Variants in WASF1 observed in about 807,000 individuals in gnomAD.
The protein encoded by WASF1 is WASP family member 1.
WASF1 carries 7 observed loss-of-function variants against 50.5 expected under a neutral mutation model. The ratio of observed to expected loss-of-function variants is 0.14; its 90% CI spans 0.08 to 0.26. The LOEUF (loss-of-function observed/expected upper bound fraction) is 0.26. Among genes scored for constraint, WASF1 ranks in the 10% least tolerant of loss-of-function variants. The probability of loss-of-function intolerance (pLI) is 1.00; values close to 1 mark genes in which losing one functional copy is unlikely to be tolerated. For synonymous variants in WASF1, 205 were observed against 244.0 expected (o/e 0.84, Z 1.49); for missense variants, 470 against 694.7 (o/e 0.68, Z 3.64).
chr6:110,135,721 CTTTTTT>C (rs139834112), intron 3 of WASF1, among the ~76,000 whole-genome samples: 24 of 73,534 alleles, frequency 3.3e-4, no homozygotes, highest in African/African-American at 9.9e-4. Flanking sequence ...GGAAGATTAT[CTTTTTT>C]TTTTTTTTTT....
At chr6:110,154,074 T>G (rs911750896) in intron 3 of WASF1, among the ~76,000 whole-genome samples, 1 of 152,084 alleles carries the variant, frequency 6.6e-6, no homozygotes, top group Non-Finnish European at 1.5e-5. Context: ...GAACTCTCCT[T>G]TTCTATATCT....
intron 2 of WASF1, among the ~76,000 whole-genome samples, chr6:110,165,800 G>T (rs892582301): frequency 6.6e-6 from 1 of 151,514 alleles, no homozygotes; most frequent in African/African-American, 2.4e-5. Flanking sequence ...GCATATTTTG[G>T]TATCACCCCT....
In WASF1 at chr6:110,101,740, G is replaced by C. The variant is rs777727637; in HGVS notation, c.1370C>G (p.Pro457Arg). Residue 457 changes from proline (P) to arginine (R), a missense_variant, in exon 10 of 11, where the codon CCA (proline) becomes CGA (arginine). By Grantham distance (103) the Pro-to-Arg change is moderately radical. This residue lies in a region of WASF1 where 294 missense variants were observed against 343.5 expected (regional missense o/e 0.86). Coordinates refer to ENST00000392589, the MANE Select transcript of WASF1 (RefSeq NM_003931.3). ...GGGACCTGGGGCAGTAGATGGAGTTGGATGTAGCCCAGAGGGAGGATGAGC... is the reference window on the plus strand; with the variant it reads ...GGGACCTGGGGCAGTAGATGGAGTTCGATGTAGCCCAGAGGGAGGATGAGC... ...ALAHPPSGLHPTPSTAPGPHV... is the reference protein window; with the variant it reads ...ALAHPPSGLHRTPSTAPGPHV... The C allele has an allele frequency of 3.1e-6, 5 of 1,614,156 alleles. No homozygotes were observed. The highest frequency in any genetic ancestry group is 4.2e-6 in the Non-Finnish European group (5 of 1,180,024).
Position 110,138,065 on chromosome 6 carries a change from C to G in WASF1, c.-28-10436G>C, listed in dbSNP as rs116662698. Among the ~76,000 whole-genome samples, 335 of 152,344 alleles carry G rather than the reference C, an allele frequency of 2.2e-3. 1 individual carries two copies. The highest frequency in any genetic ancestry group is 7.8e-3 in the African/African-American group (325 of 41,590). On this transcript the variant is annotated intron_variant, in intron 3 of 10. Transcript: ENST00000392589. ...ACTACCAGCCTGGATCCCACACCTGCCAAGGGTGAGCCAGGCACGGAGTGG... is the reference window on the plus strand; with the variant it reads ...ACTACCAGCCTGGATCCCACACCTGGCAAGGGTGAGCCAGGCACGGAGTGG...
At chr6:110,166,891 G>A (rs921290211) in intron 2 of WASF1, among the ~76,000 whole-genome samples, 5 of 151,772 alleles carry the variant, frequency 3.3e-5, no homozygotes, top group Admixed American at 3.3e-4. Flanking sequence ...TTATTTTTTT[G>A]TGTGAAAAAA....
intron 2 of WASF1, among the ~76,000 whole-genome samples, chr6:110,163,129 G>A (rs918956853): frequency 6.6e-6 from 1 of 151,512 alleles, no homozygotes; most frequent in African/African-American, 2.4e-5. Flanking sequence ...AATAACATAT[G>A]TTGCAGCCCC....
At chr6:110,129,831 CAATAG>C (rs1360962048) in intron 3 of WASF1, among the ~76,000 whole-genome samples, 3 of 152,144 alleles carry the variant, frequency 2.0e-5, no homozygotes, top group Admixed American at 1.3e-4. Context: ...TTTTAACCTA[CAATAG>C]AAGAGGTTTT....
intron 9 of WASF1, among the ~76,000 whole-genome samples, chr6:110,102,752 C>T (rs1388736296): frequency 6.8e-6 from 1 of 147,552 alleles, no homozygotes; most frequent in Non-Finnish European, 1.5e-5. Flanking sequence ...GGATTTTTAA[C>T]TGAAAATTGT....
At position 110,127,479 on chromosome 6, in the gene WASF1, T is replaced by C. The variant is rs1583962070; in HGVS notation, c.123A>G (p.Leu41=). 6.2e-7 allele frequency: 1 copy of C among 1,601,054 alleles called. No individual in the cohort carries two copies. The highest frequency in any genetic ancestry group is 8.5e-7 in the Non-Finnish European group (1 of 1,174,098). The change falls in exon 4 of 11, where the codon CTA becomes CTG. Residue 41 remains leucine, a synonymous_variant. Transcript: ENST00000392589. The part of the protein sequence containing the change: ...NISLANIIRQ[L]SSLSKYAEDI... ...TTGATATATACTTACTTAGGCTACTTAGTTGTCTAATTATATTTGCCAAGG... is the reference window on the plus strand; with the variant it reads ...TTGATATATACTTACTTAGGCTACTCAGTTGTCTAATTATATTTGCCAAGG...
intron 4 of WASF1, among the ~76,000 whole-genome samples, chr6:110,119,051 G>C (rs1277894983): frequency 6.6e-6 from 1 of 152,186 alleles, no homozygotes; most frequent in African/African-American, 2.4e-5. Flanking sequence ...GCAGTGTGTA[G>C]AGGGAAATTT....
In WASF1 at chr6:110,101,990, G is replaced by A; in HGVS notation, c.1120C>T (p.Pro374Ser). 2 of 1,583,436 alleles carry A rather than the reference G, an allele frequency of 1.3e-6. No individual in the cohort carries two copies. Among genetic ancestry groups the A allele is most frequent in the Non-Finnish European group, 8.6e-7 (1 of 1,165,470 alleles). The change falls in exon 10 of 11, where the codon CCT becomes TCT. Residue 374 changes from proline (P) to serine (S), a missense_variant. This residue lies in a region of WASF1 where 294 missense variants were observed against 343.5 expected (regional missense o/e 0.86). Coordinates refer to ENST00000392589, the MANE Select transcript of WASF1 (RefSeq NM_003931.3). ...QAPAVPPPPA[P>S]LQIAPGVLHP... ...AGAACTCCAGGGGCAATCTGAAGAG[G>A]AGCTGGAGGTGGTGGTACTGCTGGA... is the stretch of plus-strand genomic sequence containing the variant.
chr6:110,161,581 A>T (rs1039277409), intron 2 of WASF1, among the ~76,000 whole-genome samples: 6 of 151,550 alleles, frequency 4.0e-5, no homozygotes, highest in African/African-American at 1.5e-4. Flanking sequence ...CATTTATCGC[A>T]CTGTATTATG....
chr6:110,112,894 C>CAAAA (rs1229766023), intron 5 of WASF1, among the ~76,000 whole-genome samples: 5 of 75,910 alleles, frequency 6.6e-5, no homozygotes, highest in Admixed American at 3.1e-4. Context: ...GTGTCTGTCT[C>CAAAA]AAAAAAAAAA....
At chr6:110,140,233 G>C (rs1775164913) in intron 3 of WASF1, among the ~76,000 whole-genome samples, 1 of 152,222 alleles carries the variant, frequency 6.6e-6, no homozygotes, top group Non-Finnish European at 1.5e-5. Context: ...GGTCTGGAGA[G>C]CTTCCAGAGA....
intron 3 of WASF1, among the ~76,000 whole-genome samples, chr6:110,154,290 C>T (rs1252710195): frequency 6.6e-6 from 1 of 152,032 alleles, no homozygotes; most frequent in Non-Finnish European, 1.5e-5. Context: ...TCCTAAAGAA[C>T]ATTCTGAAGT....
chr6:110,159,648 C>A (rs918735397), intron 3 of WASF1, among the ~76,000 whole-genome samples: 1 of 151,766 alleles, frequency 6.6e-6, no homozygotes, highest in Admixed American at 6.6e-5. Flanking sequence ...ATGCTTGGGA[C>A]CAGAAGTGTT....
chr6:110,166,004 G>A (rs1015706869), intron 2 of WASF1, among the ~76,000 whole-genome samples: 1 of 151,644 alleles, frequency 6.6e-6, no homozygotes, highest in Non-Finnish European at 1.5e-5. Context: ...AGGACAAGGG[G>A]TAAAAATGCA....
chr6:110,119,378 A>G (rs1398921307), intron 4 of WASF1, among the ~76,000 whole-genome samples: 1 of 152,242 alleles, frequency 6.6e-6, no homozygotes, highest in Admixed American at 6.5e-5. Context: ...ATCCCCCAGA[A>G]ATACAAACTA....
At chr6:110,122,728 A>G (rs1774194150) in intron 4 of WASF1, among the ~76,000 whole-genome samples, 1 of 152,088 alleles carries the variant, frequency 6.6e-6, no homozygotes, top group Admixed American at 6.6e-5. Context: ...ACAGTATACT[A>G]CTACACATAC....
Sources: gnomAD v4.1 joint callset for allele counts (sites outside exome capture counted in the v4.1 genomes callset) on GRCh38, gnomAD v4.1.1 for gene constraint, gnomAD v4.1.1 regional missense constraint, MANE v1.5 for transcripts, NCBI Gene and HGNC (gene_info 2026-07-23, HGNC 2026-07-21) for gene names.